ASB15: variants seen among roughly 807,000 people sequenced by gnomAD.
ASB15 encodes the protein ankyrin repeat and SOCS box containing 15.
ASB15 carries 54 observed loss-of-function variants against 58.0 expected under a neutral mutation model. The ratio of observed to expected loss-of-function variants is 0.93; its 90% confidence interval spans 0.75 to 1.17. The LOEUF (loss-of-function observed/expected upper bound fraction) is 1.17, where lower values mean the gene tolerates loss of function less well. Among genes scored for constraint, ASB15 ranks in the 50% most tolerant of loss-of-function variants. The pLI, the probability that ASB15 is intolerant of heterozygous loss-of-function variation, is 0.00. For missense variants in ASB15, 680 were observed against 707.4 expected (o/e 0.96, Z 0.44); for synonymous variants, 249 against 262.4 (o/e 0.95, Z 0.50).
At chr7:123,580,959 G>C (rs1799217457) in intron 1 of ASB15, among the ~76,000 whole-genome samples, 1 of 151,828 alleles carries the variant, frequency 6.6e-6, no homozygotes. Context: ...TCAGCAAAGA[G>C]TTCAAAATAC....
At chr7:123,615,090 A>T (rs1800715632) in intron 4 of ASB15, among the ~76,000 whole-genome samples, 1 of 152,192 alleles carries the variant, frequency 6.6e-6, no homozygotes, top group Non-Finnish European at 1.5e-5. Context: ...TTAGTTAATG[A>T]ATGAGAGAAG....
At chr7:123,597,917 C>CGTGT (rs61508655), upstream of ASB15, among the ~76,000 whole-genome samples, 13,714 of 132,808 alleles carry the variant, frequency 0.1, 661 homozygotes, top group Admixed American at 0.13. Flanking sequence ...TTTCAAACTT[C>CGTGT]GTGTGTGTGT....
chr7:123,634,070 A>G (rs921248038), intron 11 of ASB15, among the ~76,000 whole-genome samples: 1 of 152,082 alleles, frequency 6.6e-6, no homozygotes, highest in Admixed American at 6.6e-5. Context: ...TTAAGTGTAC[A>G]TGTGCAGAAT....
chr7:123,630,076 A>C lies in ASB15; in HGVS notation c.1551A>C (p.Ala517=). 1 of 1,606,828 alleles carries C rather than the reference A, an allele frequency of 6.2e-7. No individual in the cohort carries two copies. The highest frequency in any genetic ancestry group is 8.5e-7 in the Non-Finnish European group (1 of 1,175,310). The change falls in exon 11 of 12, where the codon GCA becomes GCC. Residue 517 remains alanine (A), a synonymous_variant. Coordinates refer to ENST00000451215, the MANE Select transcript of ASB15 (RefSeq NM_001290258.2). ...YVPLCAKLKS[A]LEVQREWPEI... ...CTCTGTGTGCTAAACTGAAGTCTGC[A>C]CTAGAAGTACAGAGAGAATGGCCAG...
At chr7:123,634,318 T>C (rs987996390) in intron 11 of ASB15, among the ~76,000 whole-genome samples, 9 of 152,196 alleles carry the variant, frequency 5.9e-5, no homozygotes, top group Non-Finnish European at 1.3e-4. Context: ...TTTCTGTTCC[T>C]GCATTAGTTT....
At chr7:123,633,337 T>A (rs1008600102) in intron 11 of ASB15, among the ~76,000 whole-genome samples, 16 of 151,906 alleles carry the variant, frequency 1.1e-4, no homozygotes, top group African/African-American at 3.6e-4. Context: ...TACATATTTT[T>A]AAATATCTTA....
chr7:123,620,726 C>T (rs1337319345), intron 7 of ASB15, among the ~76,000 whole-genome samples: 1 of 149,716 alleles, frequency 6.7e-6, no homozygotes, highest in African/African-American at 2.5e-5. Flanking sequence ...CCATGCCTGG[C>T]TAATTTTTTG....
Position 123,629,428 on chromosome 7 carries a change from T to C in ASB15, c.1434T>C (p.Asp478=), listed in dbSNP as rs1440795787. 3 of 1,603,254 alleles carry C rather than the reference T, an allele frequency of 1.9e-6. No homozygotes were observed. Among genetic ancestry groups the C allele is most frequent in the Non-Finnish European group, 2.6e-6 (3 of 1,175,942 alleles). The change falls in exon 10 of 12, where the codon GAT becomes GAC. Residue 478 remains aspartate, a synonymous_variant. Transcript: ENST00000451215. The stretch of plus-strand genomic sequence containing the variant: ...GATGGACATCTTGTGTAATAAAAGA[T>C]AACCCGGTGAGTTATGCCTTTTCTG... ...LPGWTSCVIK[D]NPFCEFITVP... is the part of the protein sequence containing the mutation.
chr7:123,592,661 G>A (rs1255513454), intron 1 of ASB15, among the ~76,000 whole-genome samples: 5 of 152,056 alleles, frequency 3.3e-5, no homozygotes, highest in African/African-American at 7.2e-5. Context: ...CGTTTGTTGC[G>A]ATTTCTGTTC....
chr7:123,624,831 T>C lies in ASB15; in HGVS notation c.697+17T>C, dbSNP rs749995584. ...TCCACAAAGGTATGTGAAAAGGAGT[T>C]ACACTTCCTGACTTTTGTCCTGCCT... On this transcript the variant is annotated intron_variant, in intron 8 of 11. Coordinates refer to ENST00000451215, the MANE Select transcript of ASB15 (RefSeq NM_001290258.2). 2 of 1,608,706 alleles carry C rather than the reference T, an allele frequency of 1.2e-6. No homozygotes were observed. Among genetic ancestry groups the C allele is most frequent in the African/African-American group, 2.7e-5 (2 of 74,820 alleles).
chr7:123,586,037 A>G (rs1015824018), intron 1 of ASB15, among the ~76,000 whole-genome samples: 1 of 151,890 alleles, frequency 6.6e-6, no homozygotes, highest in African/African-American at 2.4e-5. Context: ...TGCAATGAAT[A>G]TGGAAGTGCA....
intron 1 of ASB15, among the ~76,000 whole-genome samples, chr7:123,602,877 T>C (rs1201382303): frequency 6.6e-6 from 1 of 152,160 alleles, no homozygotes; most frequent in Non-Finnish European, 1.5e-5. Flanking sequence ...CATTGTCAGA[T>C]GACTGGGCTA....
At chr7:123,574,959 A>T (rs1208796120) in intron 1 of ASB15, among the ~76,000 whole-genome samples, 1 of 151,998 alleles carries the variant, frequency 6.6e-6, no homozygotes, top group Non-Finnish European at 1.5e-5. Flanking sequence ...GGAGAAAAAT[A>T]TGGAGACAGA....
chr7:123,578,965 T>C (rs1450955850), intron 1 of ASB15, among the ~76,000 whole-genome samples: 1 of 152,062 alleles, frequency 6.6e-6, no homozygotes, highest in Admixed American at 6.6e-5. Flanking sequence ...ACATGGATAT[T>C]GTATAATGCT....
chr7:123,620,936 A>G (rs1433912734), intron 7 of ASB15, among the ~76,000 whole-genome samples: 1 of 151,990 alleles, frequency 6.6e-6, no homozygotes, highest in East Asian at 1.9e-4. Flanking sequence ...TTGTTTCTAT[A>G]GATCACCTTG....
chr7:123,629,237 G>C lies in ASB15; in HGVS notation c.1243G>C (p.Asp415His). ...NVNCYFMHVNDTRFPSVIQYA... is the reference protein window; with the variant it reads ...NVNCYFMHVNHTRFPSVIQYA... ...CAATTGTTATTTTATGCATGTGAATGACACTCGTTTCCCCAGTGTCATTCA... is the reference window on the plus strand; with the variant it reads ...CAATTGTTATTTTATGCATGTGAATCACACTCGTTTCCCCAGTGTCATTCA... Residue 415 changes from aspartate to histidine, a missense_variant, in exon 10 of 12, where the codon GAC becomes CAC. Physicochemically the swap from Asp to His is moderately conservative, Grantham distance 81 (BLOSUM62 -1). Coordinates refer to ENST00000451215, the MANE Select transcript of ASB15 (RefSeq NM_001290258.2). The C allele has an allele frequency of 6.2e-7, 1 of 1,613,978 alleles. No homozygotes were observed.
chr7:123,618,250 T>C (rs1183269307), intron 7 of ASB15, among the ~76,000 whole-genome samples: 2 of 152,196 alleles, frequency 1.3e-5, no homozygotes, highest in Non-Finnish European at 2.9e-5. Flanking sequence ...GAAGGTGACA[T>C]TTACCAGCTC....
intron 6 of ASB15, among the ~76,000 whole-genome samples, chr7:123,617,350 A>G (rs991960221): frequency 2.0e-5 from 3 of 152,098 alleles, no homozygotes; most frequent in African/African-American, 7.3e-5. Context: ...CATTTTCAAA[A>G]AAGCAGCTAG....
At chr7:123,629,930 AAAT>A in intron 10 of ASB15, 33 bp from the exon 11 acceptor site, 1 of 1,468,478 alleles carries the variant, frequency 6.8e-7, no homozygotes, top group South Asian at 1.3e-5. Flanking sequence ...ATGATATTAA[AAAT>A]ACTACTAAAT....
Sources: gnomAD v4.1 joint callset for allele counts (sites outside exome capture counted in the v4.1 genomes callset) on GRCh38, gnomAD v4.1.1 for gene constraint, MANE v1.5 for transcripts, NCBI Gene and HGNC (gene_info 2026-07-23, HGNC 2026-07-21) for gene names.